The following SLC25A48 variants were observed in gnomAD, a reference collection of about 807,000 sequenced individuals.
SLC25A48 encodes the protein solute carrier family 25 member 48.
A neutral mutation model predicts 32.2 loss-of-function variants in SLC25A48; 29 were observed. The observed-to-expected ratio is 0.90, with a 90% confidence interval of 0.67 to 1.23. The LOEUF (loss-of-function observed/expected upper bound fraction) is 1.23, where lower values mean the gene tolerates loss of function less well. Ranked by LOEUF, SLC25A48 falls within the 50% of genes most tolerant of loss-of-function variation. SLC25A48 has a pLI of 0.00. For synonymous variants in SLC25A48, 164 were observed against 172.3 expected (o/e 0.95, Z 0.38); for missense variants, 399 against 422.7 (o/e 0.94, Z 0.49).
At position 135,629,634 on chromosome 5, in the gene SLC25A48, G is replaced by A. The variant is rs1752512052; in HGVS notation, c.-709+258G>A. On this transcript the variant is annotated intron_variant, in intron 2 of 10. Transcript: ENST00000646290. This position sits in a 1 kb window ranked among gnomAD's most constrained non-coding sequence, Gnocchi z 4.8. ...TGTTAGCCAGCAGGCTGACTCTGTG[G>A]GCGCCTGAGGATGCATCAGGCTCAA... is the stretch of plus-strand genomic sequence containing the variant. 6.6e-6 allele frequency among the ~76,000 whole-genome samples: 1 copy of A among 152,226 alleles called. No individual in the cohort carries two copies. Among genetic ancestry groups the A allele is most frequent in the Non-Finnish European group, 1.5e-5 (1 of 68,040 alleles).
chr5:135,801,890 G>A (rs1757336718), intron 3 of SLC25A48, among the ~76,000 whole-genome samples: 1 of 151,772 alleles, frequency 6.6e-6, no homozygotes, highest in African/African-American at 2.4e-5. Context: ...ATTGCAAGAA[G>A]TGTACACCCT....
intron 3 of SLC25A48, among the ~76,000 whole-genome samples, chr5:135,663,850 A>C (rs1049024120): frequency 4.6e-5 from 7 of 152,126 alleles, no homozygotes; most frequent in African/African-American, 1.7e-4. Flanking sequence ...ATGACAGACA[A>C]GTTCCCCTCC....
intron 7 of SLC25A48, among the ~76,000 whole-genome samples, chr5:135,881,969 C>A (rs939273707): frequency 7.2e-5 from 11 of 152,194 alleles, no homozygotes; most frequent in Non-Finnish European, 1.5e-4. Context: ...GGATGCCTGC[C>A]CAACCTGTCG....
intron 3 of SLC25A48, among the ~76,000 whole-genome samples, chr5:135,800,723 G>C (rs1435677341): frequency 1.3e-5 from 2 of 151,892 alleles, no homozygotes; most frequent in African/African-American, 2.4e-5. Context: ...TAGGAGGGGA[G>C]AGGGTGATAC....
intron 7 of SLC25A48, chr5:135,882,929 G>A (rs1013415996): frequency 5.0e-6 from 2 of 399,436 alleles, no homozygotes; most frequent in Non-Finnish European, 6.8e-6. Context: ...GCAACCCTGA[G>A]AGCCTCTGCC....
At chr5:135,598,731 T>C (rs1168412910) in intron 1 of SLC25A48, among the ~76,000 whole-genome samples, 1 of 152,164 alleles carries the variant, frequency 6.6e-6, no homozygotes, top group South Asian at 2.1e-4. Context: ...AACATGCATG[T>C]TATATACATC....
intron 1 of SLC25A48, among the ~76,000 whole-genome samples, chr5:135,616,578 A>T (rs753138195): frequency 2.0e-5 from 3 of 152,186 alleles, no homozygotes; most frequent in African/African-American, 7.2e-5. Flanking sequence ...TTGTACCACC[A>T]TTGTATCTTG....
intron 3 of SLC25A48, among the ~76,000 whole-genome samples, chr5:135,668,813 C>T (rs1437057986): frequency 1.3e-5 from 2 of 152,106 alleles, no homozygotes; most frequent in East Asian, 3.9e-4. Flanking sequence ...TTGCTTTCAT[C>T]CAGAAATAGA....
intron 3 of SLC25A48, among the ~76,000 whole-genome samples, chr5:135,705,071 G>A (rs1754476081): frequency 6.6e-6 from 1 of 152,208 alleles, no homozygotes; most frequent in South Asian, 2.1e-4. Context: ...ATTGGTCACT[G>A]TCTCTTGGGT....
chr5:135,594,426 G>A (rs1044638769), intron 1 of SLC25A48, among the ~76,000 whole-genome samples: 1 of 152,190 alleles, frequency 6.6e-6, no homozygotes, highest in Non-Finnish European at 1.5e-5. Context: ...TGGCGCCAGA[G>A]AACACTAGCT....
chr5:135,700,576 C>CTG (rs925302250), intron 3 of SLC25A48, among the ~76,000 whole-genome samples: 2 of 152,194 alleles, frequency 1.3e-5, no homozygotes, highest in African/African-American at 4.8e-5. Flanking sequence ...CTGGTGGCCC[C>CTG]TGTGTGTTTG....
chr5:135,699,535 G>A (rs1754342603), intron 3 of SLC25A48, among the ~76,000 whole-genome samples: 1 of 152,234 alleles, frequency 6.6e-6, no homozygotes, highest in Non-Finnish European at 1.5e-5. Context: ...CAAGGAGGCA[G>A]AGCGTGATTG....
At chr5:135,748,483 C>T (rs930806126) in intron 3 of SLC25A48, among the ~76,000 whole-genome samples, 13 of 151,894 alleles carry the variant, frequency 8.6e-5, no homozygotes, top group Admixed American at 3.3e-4. Flanking sequence ...CATGTTGGAC[C>T]GGCTGGTCTT....
Position 135,592,467 on chromosome 5 carries a change from G to T in SLC25A48, c.-849+12870G>T, listed in dbSNP as rs542287438. Among the ~76,000 whole-genome samples, 3 of 152,340 alleles carry T rather than the reference G, an allele frequency of 2.0e-5. No homozygotes were observed. The East Asian group carries it at 5.8e-4, about 29-fold the overall frequency. ...AGTACCAGGACTGTATCTGTAGAACGCATGTGTAACAGGTGTCACTGGCAA... is the reference window on the plus strand; with the variant it reads ...AGTACCAGGACTGTATCTGTAGAACTCATGTGTAACAGGTGTCACTGGCAA... On this transcript the variant is annotated intron_variant, in intron 1 of 10. Transcript: ENST00000646290.
chr5:135,878,128 A>G (rs999391016), intron 6 of SLC25A48, among the ~76,000 whole-genome samples: 6 of 152,182 alleles, frequency 3.9e-5, no homozygotes, highest in Admixed American at 1.3e-4. Context: ...AAAAGCTGGC[A>G]GGTCTGCATT....
At chr5:135,798,486 A>G (rs1478737053) in intron 3 of SLC25A48, among the ~76,000 whole-genome samples, 2 of 151,306 alleles carry the variant, frequency 1.3e-5, no homozygotes, top group African/African-American at 4.9e-5. Context: ...CCCCCCTGTG[A>G]TATATTTACT....
At chr5:135,806,797 CATT>C (rs986217127) in intron 3 of SLC25A48, among the ~76,000 whole-genome samples, 3 of 149,044 alleles carry the variant, frequency 2.0e-5, no homozygotes, top group African/African-American at 4.9e-5. Flanking sequence ...TTATAAATAT[CATT>C]ATATTTTATT....
At chr5:135,661,958 C>T (rs1023874688) in intron 3 of SLC25A48, among the ~76,000 whole-genome samples, 5 of 152,112 alleles carry the variant, frequency 3.3e-5, no homozygotes, top group Admixed American at 6.6e-5. Context: ...AGAATAGGTG[C>T]CTGAGAGTGG....
At chr5:135,654,444 G>A (rs761542017) in intron 3 of SLC25A48, among the ~76,000 whole-genome samples, 24 of 152,164 alleles carry the variant, frequency 1.6e-4, no homozygotes, top group Non-Finnish European at 3.1e-4. Flanking sequence ...TTTCTTTAGG[G>A]GATTCAAACT....
Sources: allele counts gnomAD v4.1 joint callset (sites outside exome capture counted in the v4.1 genomes callset), GRCh38; gene constraint gnomAD v4.1.1; non-coding constraint Gnocchi (gnomAD v3.1); transcripts MANE v1.5; gene names NCBI Gene and HGNC (gene_info 2026-07-23, HGNC 2026-07-21).